Variants in COIL observed in about 807,000 individuals in gnomAD.
COIL encodes the protein coilin p80.
COIL carries 28 observed loss-of-function variants against 51.6 expected under a neutral mutation model. The observed-to-expected ratio is 0.54, with a 90% confidence interval of 0.40 to 0.74. The LOEUF (loss-of-function observed/expected upper bound fraction) is 0.74, where lower values mean the gene tolerates loss of function less well. Ranked by LOEUF, COIL falls within the 30% of genes least tolerant of loss-of-function variation. The pLI is 0.00. For missense variants in COIL, 667 were observed against 685.9 expected, an observed-to-expected ratio of 0.97 and a Z score of 0.31; for synonymous variants, 233 against 255.8, an observed-to-expected ratio of 0.91 and a Z score of 0.85.
rs1174716132 is a variant in COIL, at chr17:56,938,893, C to T, written c.*178G>A. ...ACCTGACAAAAAAACCAAAGATCTA[C>T]AAAACCGACACCCATGTCATTTTAA... On this transcript the variant is annotated 3_prime_UTR_variant, in exon 7 of 7. Coordinates refer to ENST00000240316, the MANE Select transcript of COIL (RefSeq NM_004645.3). 3 of 454,096 alleles carry T rather than the reference C, an allele frequency of 6.6e-6. No individual in the cohort carries two copies. Among genetic ancestry groups the T allele is most frequent in the Non-Finnish European group, 7.7e-6 (2 of 258,264 alleles). 28.1% of individuals were successfully genotyped at this position (454,096 alleles called of 1,614,324 possible).
intron 1 of COIL, among the ~76,000 whole-genome samples, chr17:56,958,655 C>G (rs1910525410): frequency 6.6e-6 from 1 of 152,066 alleles, no homozygotes; most frequent in Non-Finnish European, 1.5e-5. Context: ...TTATAGTTAG[C>G]ACAAGTTATT....
intron 5 of COIL, among the ~76,000 whole-genome samples, chr17:56,944,750 G>A (rs1316512811): frequency 2.6e-5 from 4 of 152,106 alleles, no homozygotes; most frequent in African/African-American, 9.7e-5. Flanking sequence ...AGGTGCGGTG[G>A]TTCATGCCTG....
chr17:56,949,269 C>T, intron 4 of COIL, 118 bp downstream of exon 4: 3 of 737,396 alleles, frequency 4.1e-6, no homozygotes, highest in South Asian at 4.6e-5. Flanking sequence ...TCATTTTCTA[C>T]TTTCTGGCAT....
intron 6 of COIL, chr17:56,939,928 A>G (rs1280893557): frequency 1.3e-5 from 2 of 152,042 alleles, no homozygotes; most frequent in African/African-American, 4.8e-5. Context: ...TCTGGCAACT[A>G]GACATGGTCC....
intron 1 of COIL, 35 bp from the exon 2 acceptor site, chr17:56,951,031 C>A: frequency 6.4e-7 from 1 of 1,554,444 alleles, no homozygotes; most frequent in Non-Finnish European, 8.6e-7. Flanking sequence ...CTAGAGTGAG[C>A]AATTTATAAA....
chr17:56,946,581 T>C (rs540280470), intron 4 of COIL, 70 bp from the exon 5 acceptor site: 4 of 959,482 alleles, frequency 4.2e-6, no homozygotes, highest in Non-Finnish European at 6.5e-6. Context: ...AACCACTGAA[T>C]TGTAGACTTT....
intron 1 of COIL, among the ~76,000 whole-genome samples, chr17:56,954,538 C>T (rs575733127): frequency 7.9e-5 from 12 of 151,228 alleles, no homozygotes; most frequent in African/African-American, 2.4e-4. Flanking sequence ...TCCAGCCTGG[C>T]GACAGATAGA....
At chr17:56,946,331 A>G in intron 5 of COIL, 111 bp downstream of exon 5, 1 of 662,094 alleles carries the variant, frequency 1.5e-6, no homozygotes, top group Non-Finnish European at 2.6e-6. Context: ...AGAAGTGGGG[A>G]GCGCCAGTTA....
At chr17:56,951,545 A>C (rs1209031771) in intron 1 of COIL, 1 of 152,708 alleles carries the variant, frequency 6.5e-6, no homozygotes, top group Non-Finnish European at 1.5e-5. Flanking sequence ...TAGGGTAGTG[A>C]CAGCCATCTG....
At chr17:56,941,836 A>G (rs1008820576) in intron 6 of COIL, among the ~76,000 whole-genome samples, 199 bp downstream of exon 6, 1 of 152,234 alleles carries the variant, frequency 6.6e-6, no homozygotes, top group African/African-American at 2.4e-5. Context: ...CTCTTAAAGA[A>G]AAGTTTGTTA....
In COIL at chr17:56,950,041, G is replaced by C. The variant is rs1424425928; in HGVS notation, c.1201C>G (p.Leu401Val). ...LGRGWGREEN[L>V]FSWKGAKGRG... ...CCCTTAGCTCCCTTCCAAGAAAAAA[G>C]GTTCTCTTCTCTACCCCATCCTCTT... Residue 401 changes from leucine to valine, a missense_variant, in exon 2 of 7, where the codon CTT (leucine) becomes GTT (valine). Physicochemically the swap from Leu to Val is conservative, Grantham distance 32. Coordinates refer to ENST00000240316, the MANE Select transcript of COIL (RefSeq NM_004645.3). The C allele has an allele frequency of 1.2e-6, 2 of 1,614,064 alleles. No individual in the cohort carries two copies. The highest frequency in any genetic ancestry group is 1.7e-6 in the Non-Finnish European group (2 of 1,180,012).
Position 56,942,055 on chromosome 17 carries a change from C to G in COIL, c.1627G>C (p.Ala543Pro). ...NENGAEVVEY[A>P]VTQESKITVF... ...CCTACCTTGCTCTCCTGTGTCACAG[C>G]GTACTCCACTACCTCGGCTCCATTT... Residue 543 changes from alanine to proline, a missense_variant, in exon 6 of 7, where the codon GCT (alanine) becomes CCT (proline). Physicochemically the swap from Ala to Pro is conservative, Grantham distance 27. Transcript: ENST00000240316. 1 of 1,614,014 alleles carries G rather than the reference C, an allele frequency of 6.2e-7. No individual in the cohort carries two copies. The highest frequency in any genetic ancestry group is 8.5e-7 in the Non-Finnish European group (1 of 1,179,904).
chr17:56,953,961 C>T (rs1910433446), intron 1 of COIL, among the ~76,000 whole-genome samples: 1 of 152,148 alleles, frequency 6.6e-6, no homozygotes, highest in South Asian at 2.1e-4. Flanking sequence ...AGTTTGGCAT[C>T]CTGTGAATCT....
chr17:56,945,331 C>T (rs1224215248), intron 5 of COIL, among the ~76,000 whole-genome samples: 2 of 151,410 alleles, frequency 1.3e-5, no homozygotes, highest in Admixed American at 6.6e-5. Flanking sequence ...GAGTGAGACT[C>T]TGTCAAAAAA....
At chr17:56,949,621 G>T (rs1339862627) in intron 3 of COIL, 60 bp downstream of exon 3, 6 of 1,498,466 alleles carry the variant, frequency 4.0e-6, no homozygotes, top group Non-Finnish European at 5.6e-6. Flanking sequence ...GATTTTCTAA[G>T]TAAGTTTATT....
chr17:56,952,498 T>G, intron 1 of COIL: 1 of 307,958 alleles, frequency 3.2e-6, no homozygotes, highest in South Asian at 2.8e-5. Flanking sequence ...GATTAACATT[T>G]AAATTGCTAG....
rs775098304 is a variant in COIL at position 56,950,089 on chromosome 17, C to T, written c.1153G>A (p.Val385Met). 2 of 1,614,104 alleles carry T rather than the reference C, an allele frequency of 1.2e-6. No individual in the cohort carries two copies. The highest frequency in any genetic ancestry group is 1.7e-6 in the Non-Finnish European group (2 of 1,179,986). Residue 385 changes from valine to methionine, a missense_variant, in exon 2 of 7, where the codon GTG becomes ATG. By Grantham distance (21) the Val-to-Met change is conservative. Transcript: ENST00000240316. ...CTTCCTAAACTAGCAGGGAGAGACA[C>T]ACTGGGAGAAGCACCAGGAGCCTGT... ...GGQAPGASPSVSLPASLGRGW... is the reference protein window; with the variant it reads ...GGQAPGASPSMSLPASLGRGW...
intron 5 of COIL, 31 bp from the exon 6 acceptor site, chr17:56,942,154 T>A: frequency 6.5e-7 from 1 of 1,539,532 alleles, no homozygotes; most frequent in Non-Finnish European, 9.0e-7. Flanking sequence ...GGAAAGAGAG[T>A]AAGTCATTTT....
intron 4 of COIL, 78 bp downstream of exon 4, chr17:56,949,309 T>C (rs1265472299): frequency 6.2e-6 from 7 of 1,137,170 alleles, no homozygotes; most frequent in Non-Finnish European, 7.6e-6. Context: ...AAATCTGTAT[T>C]ATCCATACAA....
Sources: gnomAD v4.1 joint callset for allele counts (sites outside exome capture counted in the v4.1 genomes callset) on GRCh38, gnomAD v4.1.1 for gene constraint, MANE v1.5 for transcripts, NCBI Gene and HGNC (gene_info 2026-07-23, HGNC 2026-07-21) for gene names.